The following CIAO2A variants were observed in gnomAD, a reference collection of about 807,000 sequenced individuals.
The protein encoded by CIAO2A is MIP18 family protein FAM96A.
In CIAO2A, 17 loss-of-function variants were observed where a neutral mutation model predicts 22.4. The ratio of observed to expected loss-of-function variants is 0.76; its 90% CI spans 0.52 to 1.14. The LOEUF is 1.14. Ranked by LOEUF, CIAO2A falls within the 50% of genes most tolerant of loss-of-function variation. The pLI is 0.00. For synonymous variants in CIAO2A, 74 were observed against 72.3 expected, an observed-to-expected ratio of 1.02 and a Z score of -0.12; for missense variants, 192 against 191.4, an observed-to-expected ratio of 1.00 and a Z score of -0.02.
chr15:64,078,250 A>C (rs150872704), intron 3 of CIAO2A, among the ~76,000 whole-genome samples: 8 of 152,346 alleles, frequency 5.3e-5, no homozygotes, highest in African/African-American at 1.9e-4. Context: ...AATTTACTCA[A>C]TTTAAGACGT....
chr15:64,093,702 C>G lies in CIAO2A; in HGVS notation c.67G>C (p.Glu23Gln), dbSNP rs2080864238. The G allele has an allele frequency of 6.2e-7, 1 of 1,614,076 alleles. No homozygotes were observed. The highest frequency in any genetic ancestry group is 8.5e-7 in the Non-Finnish European group (1 of 1,179,964). Residue 23 changes from glutamate (E) to glutamine (Q), a missense_variant, in exon 1 of 5, where the codon GAG becomes CAG. Glu to Gln is a conservative substitution (Grantham distance 29, BLOSUM62 2). Coordinates refer to ENST00000300030, the MANE Select transcript of CIAO2A (RefSeq NM_032231.7). ...SRVLWLSGLS[E>Q]PGAARQPRIM... ...CGGGGCTGCCGGGCAGCTCCCGGCTCAGAGAGGCCGGAGAGCCACAGGACT... is the reference window on the plus strand; with the variant it reads ...CGGGGCTGCCGGGCAGCTCCCGGCTGAGAGAGGCCGGAGAGCCACAGGACT...
chr15:64,087,279 G>C (rs1595959092), intron 2 of CIAO2A, among the ~76,000 whole-genome samples: 1 of 152,016 alleles, frequency 6.6e-6, no homozygotes, highest in East Asian at 1.9e-4. Flanking sequence ...TTTTAGTAGA[G>C]ACAGGGTTTC....
In CIAO2A at chr15:64,091,280, T is replaced by G. The variant is rs189906864; in HGVS notation, c.124+2365A>C. 1.2e-3 allele frequency among the ~76,000 whole-genome samples: 181 copies of G among 151,236 alleles called. 1 individual carries two copies. The highest frequency in any genetic ancestry group is 2.2e-3 in the Non-Finnish European group (151 of 67,792). On this transcript the variant is annotated intron_variant, in intron 1 of 4. Coordinates refer to ENST00000300030, the MANE Select transcript of CIAO2A (RefSeq NM_032231.7). ...TGGATCACCCACCTGAGTTCAGGAG[T>G]TCAAGACCAGCCTGGCCAACATGGC...
Position 64,083,535 on chromosome 15 carries a change from T to G in CIAO2A, c.290-2384A>C, listed in dbSNP as rs77338506. Among the ~76,000 whole-genome samples, 906 of 152,340 alleles carry G rather than the reference T, an allele frequency of 5.9e-3. 10 individuals carry two copies. The highest frequency in any genetic ancestry group is 0.014 in the African/African-American group (596 of 41,576). ...CTCAGGCACCTTTCCAGGCTAGGAC[T>G]ACCTGCTCTGGAGGAATATCTGTTA... is the stretch of plus-strand genomic sequence containing the variant. On this transcript the variant is annotated intron_variant, in intron 2 of 4. Transcript: ENST00000300030.
At chr15:64,086,077 A>T (rs890267327) in intron 2 of CIAO2A, among the ~76,000 whole-genome samples, 6 of 151,908 alleles carry the variant, frequency 3.9e-5, no homozygotes, top group Admixed American at 6.6e-5. Flanking sequence ...GCCAATAAAC[A>T]TGTTACTCAT....
intron 3 of CIAO2A, among the ~76,000 whole-genome samples, chr15:64,076,239 G>A (rs2080716490): frequency 6.6e-6 from 1 of 151,920 alleles, no homozygotes; most frequent in African/African-American, 2.4e-5. Flanking sequence ...ACTGACTCAG[G>A]AAATCTACAA....
intron 2 of CIAO2A, among the ~76,000 whole-genome samples, chr15:64,082,420 G>A (rs2080764675): frequency 1.3e-5 from 2 of 152,036 alleles, no homozygotes; most frequent in African/African-American, 4.8e-5. Flanking sequence ...TAGAGACAAG[G>A]TTTCATCATG....
chr15:64,089,951 T>TA (rs1013849125), intron 1 of CIAO2A, among the ~76,000 whole-genome samples: 1 of 152,148 alleles, frequency 6.6e-6, no homozygotes, highest in African/African-American at 2.4e-5. Context: ...GCATAGAGTT[T>TA]AAAACAGCAT....
intron 3 of CIAO2A, among the ~76,000 whole-genome samples, chr15:64,077,452 A>G (rs1425522944): frequency 2.0e-5 from 3 of 152,224 alleles, no homozygotes; most frequent in East Asian, 3.8e-4. Flanking sequence ...GATAAAGGGG[A>G]AAAGGCAGCA....
rs143123447 is a variant in CIAO2A at position 64,081,114 on chromosome 15, T to C, written c.327A>G (p.Pro109=). The change falls in exon 3 of 5, where the codon CCA becomes CCG. Residue 109 remains proline (P), a synonymous_variant. Transcript: ENST00000300030. ...CLRVKLQRCL[P]FKHKLEIYIS... ...ACATCTTTCTTACCTTATGTTTAAA[T>C]GGTAAACATCGCTGAAGTTTTACTC... is the stretch of plus-strand genomic sequence containing the variant. 1 of 1,613,356 alleles carries C rather than the reference T, an allele frequency of 6.2e-7. No individual in the cohort carries two copies. The highest frequency in any genetic ancestry group is 1.1e-5 in the South Asian group (1 of 90,874).
intron 1 of CIAO2A, among the ~76,000 whole-genome samples, chr15:64,091,906 A>G (rs1193192631): frequency 6.6e-6 from 1 of 151,918 alleles, no homozygotes; most frequent in African/African-American, 2.4e-5. Context: ...AAAAAAATAC[A>G]AAAATTAGCT....
At chr15:64,091,356 G>A (rs910693059) in intron 1 of CIAO2A, among the ~76,000 whole-genome samples, 7 of 151,788 alleles carry the variant, frequency 4.6e-5, no homozygotes, top group Admixed American at 2.0e-4. Flanking sequence ...GTGGTGGCAT[G>A]TGCCTGTAAT....
chr15:64,086,028 G>T (rs998668086), intron 2 of CIAO2A, among the ~76,000 whole-genome samples: 8 of 151,666 alleles, frequency 5.3e-5, no homozygotes, highest in East Asian at 3.9e-4. Flanking sequence ...ATAATAGCTG[G>T]TTTTTTTCTT....
In CIAO2A at chr15:64,093,759, C is replaced by A; in HGVS notation, c.10G>T (p.Val4Leu). The A allele has an allele frequency of 1.2e-6, 2 of 1,610,592 alleles. No individual in the cohort carries two copies. The highest frequency in any genetic ancestry group is 1.7e-6 in the Non-Finnish European group (2 of 1,177,064). The change falls in exon 1 of 5, where the codon GTG (valine) becomes TTG (leucine). Residue 4 changes from valine (V) to leucine (L), a missense_variant. Coordinates refer to ENST00000300030, the MANE Select transcript of CIAO2A (RefSeq NM_032231.7). The stretch of plus-strand genomic sequence containing the variant: ...AGCGTCCAGGAGAGCAGCCCGGACA[C>A]CCGCTGCATCTTCACGCTCAGCCAT... MQR[V>L]SGLLSWTLSR...
intron 2 of CIAO2A, among the ~76,000 whole-genome samples, chr15:64,086,941 T>C (rs994273160): frequency 6.6e-6 from 1 of 150,830 alleles, no homozygotes; most frequent in African/African-American, 2.4e-5. Context: ...ATGAAGTTTT[T>C]GCTCTTGTTG....
chr15:64,088,240 G>A (rs2080813040), intron 2 of CIAO2A, among the ~76,000 whole-genome samples: 3 of 152,192 alleles, frequency 2.0e-5, no homozygotes, highest in African/African-American at 7.2e-5. Context: ...GAAAGGAGAT[G>A]GTGATGGAAG....
In CIAO2A at chr15:64,073,029, C is replaced by T; in HGVS notation, c.386-1G>A. 6.2e-7 allele frequency: 1 copy of T among 1,607,368 alleles called. No individual in the cohort carries two copies. The highest frequency in any genetic ancestry group is 8.5e-7 in the Non-Finnish European group (1 of 1,174,288). Reference sequence around the variant, plus strand: ...TCTTTGTCATTTATCTGCTTATTGACTGAAAAATACACAGACAAAAGTTAG... The same window carrying T: ...TCTTTGTCATTTATCTGCTTATTGATTGAAAAATACACAGACAAAAGTTAG... On this transcript the variant is annotated splice_acceptor_variant, in intron 4 of 4. Transcript: ENST00000300030. LOFTEE classifies it high-confidence loss of function.
chr15:64,091,106 T>A (rs1396484598), intron 1 of CIAO2A, among the ~76,000 whole-genome samples: 8 of 152,202 alleles, frequency 5.3e-5, no homozygotes, highest in Admixed American at 2.0e-4. Flanking sequence ...CAAAATTATA[T>A]GTAATCAGAA....
intron 3 of CIAO2A, among the ~76,000 whole-genome samples, chr15:64,079,489 G>A (rs1664951185): frequency 6.6e-6 from 1 of 152,152 alleles, no homozygotes; most frequent in Admixed American, 6.5e-5. Flanking sequence ...TCACACCACT[G>A]CACTCCAGCC....
Sources: allele counts gnomAD v4.1 joint callset (sites outside exome capture counted in the v4.1 genomes callset), GRCh38; gene constraint gnomAD v4.1.1; transcripts MANE v1.5; gene names NCBI Gene and HGNC (gene_info 2026-07-23, HGNC 2026-07-21).